Variants in NREP observed in about 807,000 individuals in gnomAD.
NREP encodes neuronal regeneration related protein.
A neutral mutation model predicts 8.6 loss-of-function variants in NREP; 5 were observed. The observed-to-expected ratio is 0.58, with a 90% CI of 0.30 to 1.22. The LOEUF (loss-of-function observed/expected upper bound fraction) is 1.22. NREP is among the 50% of genes most tolerant of loss of function. NREP has a pLI of 0.07. For missense variants in NREP, 86 were observed against 82.5 expected, an observed-to-expected ratio of 1.04 and a Z score of -0.17; for synonymous variants, 27 against 28.0, an observed-to-expected ratio of 0.96 and a Z score of 0.11.
At chr5:111,928,399 C>G (rs369989840) in intron 2 of NREP, among the ~76,000 whole-genome samples, 1 of 151,914 alleles carries the variant, frequency 6.6e-6, no homozygotes, top group South Asian at 2.1e-4. Context: ...TTCTCAGTTT[C>G]AAATTGAGGA....
At chr5:111,740,426 T>C (rs1749548813) in intron 2 of NREP, among the ~76,000 whole-genome samples, 2 of 152,142 alleles carry the variant, frequency 1.3e-5, no homozygotes, top group Admixed American at 6.6e-5. Context: ...GCATACAAAT[T>C]GGAAATAAAA....
At chr5:111,756,237 G>C (rs1349124956) in intron 1 of NREP, 42 of 976,566 alleles carry the variant, frequency 4.3e-5, no homozygotes, top group Non-Finnish European at 4.9e-5. Context: ...ACCGTGTAGT[G>C]TAATGCCTCA....
intron 2 of NREP, among the ~76,000 whole-genome samples, chr5:111,837,047 T>A (rs1581154224): frequency 6.6e-6 from 1 of 152,250 alleles, no homozygotes; most frequent in East Asian, 1.9e-4. Context: ...AAGTTTATTT[T>A]GATGGGCAAG....
At chr5:111,795,777 G>A (rs1751859987) in intron 2 of NREP, among the ~76,000 whole-genome samples, 1 of 152,156 alleles carries the variant, frequency 6.6e-6, no homozygotes, top group Non-Finnish European at 1.5e-5. Context: ...ATAAAAGACA[G>A]ATATAGCCTA....
intron 2 of NREP, among the ~76,000 whole-genome samples, chr5:111,970,533 AAGT>A (rs1449945868): frequency 6.6e-6 from 1 of 152,080 alleles, no homozygotes; most frequent in African/African-American, 2.4e-5. Flanking sequence ...ATATGGCAAG[AAGT>A]CTTACTGGGT....
intron 2 of NREP, among the ~76,000 whole-genome samples, chr5:111,870,137 T>C (rs969961128): frequency 1.1e-4 from 16 of 152,124 alleles, no homozygotes; most frequent in Non-Finnish European, 2.4e-4. Flanking sequence ...ACATGAATAA[T>C]TAGCACATTA....
intron 2 of NREP, among the ~76,000 whole-genome samples, chr5:111,937,744 A>G (rs914698816): frequency 6.6e-6 from 1 of 151,882 alleles, no homozygotes; most frequent in Non-Finnish European, 1.5e-5. Context: ...TCTACTTCTC[A>G]TTCTTGTACC....
chr5:111,889,391 C>T (rs1017489045), intron 2 of NREP, among the ~76,000 whole-genome samples: 5 of 152,200 alleles, frequency 3.3e-5, no homozygotes, highest in African/African-American at 1.2e-4. Flanking sequence ...TATATACCCC[C>T]ATGATCCTAT....
In NREP at chr5:111,757,127, TA is replaced by T; in HGVS notation, c.-59+8del. 2.3e-6 allele frequency: 2 copies of T among 872,448 alleles called. No homozygotes were observed. Among genetic ancestry groups the T allele is most frequent in the Non-Finnish European group, 2.7e-6 (2 of 727,696 alleles). 54.0% of individuals were successfully genotyped at this position (872,448 alleles called of 1,614,324 possible). ...CTCCCAGCCGGGGATAGGAATGGCA[TA>T]TACTTACAGACAAAAGCCCCGCTCC... On this transcript the variant is annotated splice_region_variant and intron_variant, in intron 1 of 3. Coordinates refer to ENST00000257435, the MANE Select transcript of NREP (RefSeq NM_004772.4).
In NREP at chr5:111,910,642, C is replaced by G. The variant is rs17133882; in HGVS notation, c.135+64632G>C. Among the ~76,000 whole-genome samples, 2,933 of 152,014 alleles carry G rather than the reference C, an allele frequency of 0.019. 185 individuals are homozygous for G. In the East Asian group the frequency reaches 0.23, roughly 12 times the overall value. ...GGGTTTAGGCATGAAGATTTGGGCA[C>G]TATCAAAGCACCAGGCTGTGGAGCT... On this transcript the variant is annotated intron_variant, in intron 2 of 3. Transcript: ENST00000395634.
intron 2 of NREP, among the ~76,000 whole-genome samples, chr5:111,821,667 A>G (rs1022214580): frequency 6.6e-6 from 1 of 152,326 alleles, no homozygotes; most frequent in African/African-American, 2.4e-5. Context: ...AAAAAACAAT[A>G]AAACAAGAAG....
chr5:111,745,341 TAAC>T (rs1054738006), intron 2 of NREP, among the ~76,000 whole-genome samples: 2 of 152,172 alleles, frequency 1.3e-5, no homozygotes, highest in African/African-American at 4.8e-5. Context: ...AGTCTTAGAG[TAAC>T]AACTTTGGCT....
intron 2 of NREP, among the ~76,000 whole-genome samples, chr5:111,878,253 C>T (rs1214197010): frequency 1.3e-5 from 2 of 152,072 alleles, no homozygotes; most frequent in African/African-American, 4.8e-5. Context: ...TATAACTGCC[C>T]AAGACTGGGT....
At chr5:111,908,789 C>A (rs1409881839) in intron 2 of NREP, among the ~76,000 whole-genome samples, 1 of 151,954 alleles carries the variant, frequency 6.6e-6, no homozygotes, top group Non-Finnish European at 1.5e-5. Context: ...TAGATATATA[C>A]CCACTAACGG....
At chr5:111,857,629 T>G (rs535042504) in intron 2 of NREP, among the ~76,000 whole-genome samples, 1 of 152,236 alleles carries the variant, frequency 6.6e-6, no homozygotes, top group South Asian at 2.1e-4. Context: ...TAAATTGTCT[T>G]CTTTGGGACA....
intron 2 of NREP, among the ~76,000 whole-genome samples, chr5:111,848,003 C>T (rs1017851628): frequency 1.3e-5 from 2 of 152,104 alleles, no homozygotes; most frequent in Non-Finnish European, 2.9e-5. Flanking sequence ...GCTCTTGCCT[C>T]AGGTATGCAT....
intron 2 of NREP, among the ~76,000 whole-genome samples, chr5:111,864,587 A>G (rs555175805): frequency 1.6e-4 from 25 of 152,100 alleles, no homozygotes; most frequent in Admixed American, 4.6e-4. Context: ...TCTGAAAATA[A>G]TGTATTTTTA....
intron 2 of NREP, among the ~76,000 whole-genome samples, chr5:111,767,224 T>C (rs1751105591): frequency 6.6e-6 from 1 of 152,226 alleles, no homozygotes; most frequent in African/African-American, 2.4e-5. Flanking sequence ...TAAAAGTTTA[T>C]ATTTATGTTT....
At position 111,763,754 on chromosome 5, in the gene NREP, A is replaced by ATGTG. The variant is rs3067515; in HGVS notation, c.136-28251_136-28248dup. On this transcript the variant is annotated intron_variant, in intron 2 of 3. Coordinates refer to the NREP transcript ENST00000395634. ...TATTTTAAAATCCCAGTACGTCTGT[A>ATGTG]TGTGTGTGTGTGTGTGTGTGTTTGT... Among the ~76,000 whole-genome samples, 794 of 146,392 alleles carry ATGTG rather than the reference A, an allele frequency of 5.4e-3. 8 individuals carry two copies. The highest frequency in any genetic ancestry group is 0.02 in the African/African-American group (729 of 36,490).
Sources: allele counts gnomAD v4.1 joint callset (sites outside exome capture counted in the v4.1 genomes callset), GRCh38; gene constraint gnomAD v4.1.1; transcripts MANE v1.5; gene names NCBI Gene and HGNC (gene_info 2026-07-23, HGNC 2026-07-21).